FAM193A: variants seen among roughly 807,000 people sequenced by gnomAD.
FAM193A encodes family with sequence similarity 193 member A.
A neutral mutation model predicts 126.5 loss-of-function variants in FAM193A; 22 were observed. The ratio of observed to expected loss-of-function variants is 0.17; its 90% CI spans 0.12 to 0.25. FAM193A has a LOEUF of 0.25. Among genes scored for constraint, FAM193A ranks in the 10% least tolerant of loss-of-function variants. FAM193A has a pLI of 1.00. For synonymous variants in FAM193A, 761 were observed against 646.8 expected (o/e 1.18, Z -2.68); for missense variants, 1,675 against 1,672.8 (o/e 1.00, Z -0.02).
At position 2,552,759 on chromosome 4, in the gene FAM193A, G is replaced by A. The variant is rs1046076807; in HGVS notation, c.255+15589G>A. Among the ~76,000 whole-genome samples the A allele has an allele frequency of 2.0e-5, 3 of 149,902 alleles. No homozygotes were observed. The Admixed American group carries it at 2.0e-4, about 10-fold the overall frequency. On this transcript the variant is annotated intron_variant, in intron 1 of 20. Coordinates refer to ENST00000637812, the MANE Select transcript of FAM193A (RefSeq NM_001366318.2). ...TCACCGTGTTAGCCAGGATGGTCTT[G>A]ATCTCATGACCTCGGGATCCGCCTG...
At chr4:2,535,961 G>C (rs1370743073), upstream of FAM193A, among the ~76,000 whole-genome samples, 5 of 152,140 alleles carry the variant, frequency 3.3e-5, no homozygotes, top group African/African-American at 9.7e-5. Context: ...CACCGCGCCC[G>C]GCTTTCCAGC....
intron 2 of FAM193A, among the ~76,000 whole-genome samples, chr4:2,605,818 A>G (rs1361482247): frequency 6.6e-6 from 1 of 151,748 alleles, no homozygotes; most frequent in African/African-American, 2.4e-5. Flanking sequence ...CTGAAAATAC[A>G]AAATTAGCCC....
rs747638566 is a variant in FAM193A, at chr4:2,693,716, A to G, written c.2934A>G (p.Ser978=). 12 of 1,613,914 alleles carry G rather than the reference A, an allele frequency of 7.4e-6. 1 individual carries two copies. The East Asian group carries it at 1.3e-4, about 18-fold the overall frequency. The part of the protein sequence containing the change: ...SPAALSPAAL[S]PASTPHLANL... The stretch of plus-strand genomic sequence containing the variant: ...CTGCGCTGTCACCTGCTGCGCTCTC[A>G]CCTGCCTCCACACCTCACCTTGCAA... The change falls in exon 16 of 21, where the codon TCA becomes TCG. Residue 978 remains serine (S), a synonymous_variant. Coordinates refer to ENST00000637812, the MANE Select transcript of FAM193A (RefSeq NM_001366318.2).
rs1002933598 is a variant in FAM193A at position 2,573,592 on chromosome 4, A to T, written c.256-22492A>T. ...GGGACGTGGGTCCTTCTCTGCTTTC[A>T]CCACTTTGACTGTCTGCTCCGTGGC... On this transcript the variant is annotated intron_variant, in intron 1 of 20. Coordinates refer to ENST00000637812, the MANE Select transcript of FAM193A (RefSeq NM_001366318.2). Among the ~76,000 whole-genome samples, 12 of 150,998 alleles carry T rather than the reference A, an allele frequency of 7.9e-5. 1 individual carries two copies. The highest frequency in any genetic ancestry group is 1.3e-4 in the Non-Finnish European group (9 of 67,930).
At chr4:2,612,636 T>C (rs1010825208) in intron 2 of FAM193A, among the ~76,000 whole-genome samples, 2 of 152,240 alleles carry the variant, frequency 1.3e-5, no homozygotes, top group Non-Finnish European at 2.9e-5. Context: ...GTCATCTTTT[T>C]TTGCATACTG....
chr4:2,614,272 A>G (rs1394561375), intron 2 of FAM193A, among the ~76,000 whole-genome samples: 1 of 152,190 alleles, frequency 6.6e-6, no homozygotes, highest in African/African-American at 2.4e-5. Context: ...TTCATGTAGT[A>G]TAGATCAGAT....
chr4:2,703,773 G>C (rs1162235678), intron 19 of FAM193A, among the ~76,000 whole-genome samples: 1 of 148,728 alleles, frequency 6.7e-6, no homozygotes, highest in African/African-American at 2.5e-5. Flanking sequence ...AGACCAGCCT[G>C]GGCAATATAG....
intron 2 of FAM193A, among the ~76,000 whole-genome samples, chr4:2,608,379 A>G (rs1741668555): frequency 6.6e-6 from 1 of 151,940 alleles, no homozygotes; most frequent in Non-Finnish European, 1.5e-5. Flanking sequence ...GGGTTTTGCC[A>G]TGTTGCTCAG....
chr4:2,588,255 G>A (rs1740345106), intron 1 of FAM193A, among the ~76,000 whole-genome samples: 1 of 152,146 alleles, frequency 6.6e-6, no homozygotes, highest in African/African-American at 2.4e-5. Flanking sequence ...AGGGACCTTG[G>A]CCCTTTCCCT....
intron 13 of FAM193A, among the ~76,000 whole-genome samples, chr4:2,686,503 C>T (rs1245816317): frequency 6.6e-6 from 1 of 152,164 alleles, no homozygotes; most frequent in Non-Finnish European, 1.5e-5. Flanking sequence ...AGATGCTAGG[C>T]AGAAAAGTAA....
At chr4:2,640,888 C>A (rs914353289) in intron 6 of FAM193A, among the ~76,000 whole-genome samples, 2 of 151,238 alleles carry the variant, frequency 1.3e-5, no homozygotes, top group Non-Finnish European at 2.9e-5. Flanking sequence ...TTGCTTGAAC[C>A]CCAGAGGCAG....
At chr4:2,610,792 C>CA (rs1741820575) in intron 2 of FAM193A, among the ~76,000 whole-genome samples, 1 of 152,034 alleles carries the variant, frequency 6.6e-6, no homozygotes, top group Non-Finnish European at 1.5e-5. Context: ...GGCTGGAGTG[C>CA]AATGGCGCGA....
chr4:2,573,753 G>C (rs1045032492), intron 1 of FAM193A, among the ~76,000 whole-genome samples: 3 of 152,158 alleles, frequency 2.0e-5, no homozygotes, highest in African/African-American at 4.8e-5. Flanking sequence ...GGAGGCTGAT[G>C]GACAAAGCCT....
chr4:2,554,154 G>A (rs776397149), intron 1 of FAM193A, among the ~76,000 whole-genome samples: 45 of 151,942 alleles, frequency 3.0e-4, no homozygotes, highest in Non-Finnish European at 5.4e-4. Flanking sequence ...GCACGATCTC[G>A]GCTCACTGCA....
chr4:2,559,802 C>T lies in FAM193A; in HGVS notation c.255+22632C>T, dbSNP rs116144632. On this transcript the variant is annotated intron_variant, in intron 1 of 20. Coordinates refer to ENST00000637812, the MANE Select transcript of FAM193A (RefSeq NM_001366318.2). ...TGCACGGACAGCTGAGCGTCCTTGCCGTTCGCTTCCTTTTGCCTTGCTGTT... is the reference window on the plus strand; with the variant it reads ...TGCACGGACAGCTGAGCGTCCTTGCTGTTCGCTTCCTTTTGCCTTGCTGTT... Among the ~76,000 whole-genome samples the T allele has an allele frequency of 7.5e-3, 1,146 of 152,262 alleles. 20 individuals are homozygous for T. The highest frequency in any genetic ancestry group is 0.026 in the African/African-American group (1,098 of 41,550).
intron 20 of FAM193A, among the ~76,000 whole-genome samples, chr4:2,728,000 T>A (rs1212545017): frequency 6.6e-6 from 1 of 151,952 alleles, no homozygotes; most frequent in Non-Finnish European, 1.5e-5. Flanking sequence ...GGCACGATCT[T>A]GGCTCACCGC....
In FAM193A at chr4:2,691,019, C is replaced by T. The variant is rs766984777; in HGVS notation, c.2803+49C>T. On this transcript the variant is annotated intron_variant, in intron 15 of 20. Transcript: ENST00000637812. The stretch of plus-strand genomic sequence containing the variant: ...CCTCGGGGTCTGCAGGAAGGCTGGG[C>T]TTACTGACTTCTCGTCTTTGTAACT... The T allele has an allele frequency of 6.5e-6, 10 of 1,530,748 alleles. No individual in the cohort carries two copies. In the South Asian group the frequency reaches 1.1e-4, roughly 17 times the overall value. The allele number at this position is 1,530,748 out of a possible 1,614,324, so 94.8% of individuals were successfully genotyped here.
At chr4:2,688,073 G>T (rs556056044) in intron 13 of FAM193A, among the ~76,000 whole-genome samples, 1 of 152,120 alleles carries the variant, frequency 6.6e-6, no homozygotes. Flanking sequence ...TGATGACCAG[G>T]TTGCCCATAA....
At chr4:2,686,792 G>C (rs779748984) in intron 13 of FAM193A, among the ~76,000 whole-genome samples, 1 of 152,206 alleles carries the variant, frequency 6.6e-6, no homozygotes, top group African/African-American at 2.4e-5. Context: ...CTCAAAGCTA[G>C]CAGTTTGGCA....
Sources: allele counts gnomAD v4.1 joint callset (sites outside exome capture counted in the v4.1 genomes callset), GRCh38; gene constraint gnomAD v4.1.1; transcripts MANE v1.5; gene names NCBI Gene and HGNC (gene_info 2026-07-23, HGNC 2026-07-21).